The following CDH6 variants were observed in gnomAD, a reference collection of about 807,000 sequenced individuals.
CDH6 encodes cadherin-6.
CDH6 carries 31 observed loss-of-function variants against 78.0 expected under a neutral mutation model. The observed-to-expected ratio is 0.40, with a 90% CI of 0.30 to 0.54. The LOEUF is 0.54. Ranked by LOEUF, CDH6 falls within the 20% of genes least tolerant of loss-of-function variation. CDH6 has a pLI of 0.56. For synonymous variants in CDH6, 376 were observed against 368.8 expected, an observed-to-expected ratio of 1.02 and a Z score of -0.23; for missense variants, 724 against 975.9, an observed-to-expected ratio of 0.74 and a Z score of 3.44.
chr5:31,269,966 G>A (rs891442775), intron 2 of CDH6, among the ~76,000 whole-genome samples: 18 of 152,178 alleles, frequency 1.2e-4, no homozygotes, highest in African/African-American at 4.3e-4. Context: ...GTGGTTTTGA[G>A]CTGTTGATAT....
chr5:31,247,494 T>C (rs1741784550), intron 1 of CDH6, among the ~76,000 whole-genome samples: 1 of 152,192 alleles, frequency 6.6e-6, no homozygotes, highest in African/African-American at 2.4e-5. Flanking sequence ...TGGAGAGGAT[T>C]GCCTTAGACA....
rs1402105594 is a variant in CDH6, at chr5:31,327,488, T to G, written c.*4180T>G. The G allele has an allele frequency of 5.2e-6, 1 of 191,712 alleles. No homozygotes were observed. Among genetic ancestry groups the G allele is most frequent in the Non-Finnish European group, 1.1e-5 (1 of 91,638 alleles). The allele number at this position is 191,712 out of a possible 1,614,324, so 11.9% of individuals were successfully genotyped here. A position where few individuals can be genotyped will look rare whatever the true frequency, so the allele number is the denominator to read the frequency against. On this transcript the variant is annotated 3_prime_UTR_variant, in exon 12 of 12. Coordinates refer to ENST00000265071, the MANE Select transcript of CDH6 (RefSeq NM_004932.4). ...TATGTTTTATCAAGATGAAATCTTG[T>G]TTGAATTGTGATATTATAAAAGGGG... is the stretch of plus-strand genomic sequence containing the variant.
intron 1 of CDH6, among the ~76,000 whole-genome samples, chr5:31,208,726 GA>G (rs1458015785): frequency 6.6e-6 from 1 of 152,080 alleles, no homozygotes; most frequent in Non-Finnish European, 1.5e-5. Context: ...AAAAACTATG[GA>G]AAACCCTTAT....
At chr5:31,288,305 C>A (rs959550394) in intron 2 of CDH6, among the ~76,000 whole-genome samples, 6 of 152,206 alleles carry the variant, frequency 3.9e-5, no homozygotes, top group Admixed American at 6.5e-5. Flanking sequence ...AATTAGTTAA[C>A]TCATGCCAAA....
chr5:31,328,175 C>CT lies in CDH6; in HGVS notation c.*4888dup, dbSNP rs151043213. 6,744 of 121,764 alleles carry CT rather than the reference C, an allele frequency of 0.055. 213 individuals are homozygous for CT. Among genetic ancestry groups the CT allele is most frequent in the African/African-American group, 0.1 (2,869 of 27,870 alleles). 7.5% of individuals were successfully genotyped at this position (121,764 alleles called of 1,614,324 possible). On this transcript the variant is annotated 3_prime_UTR_variant, in exon 12 of 12. Transcript: ENST00000265071. ...AGAGCTTTTACAAGTTGCTTAATTC[C>CT]TTTTTTTTTTTTTTTTTTTTTCAAA...
chr5:31,267,389 G>A lies in CDH6; in HGVS notation c.-85G>A. The A allele has an allele frequency of 2.2e-6, 2 of 889,554 alleles. No individual in the cohort carries two copies. The highest frequency in any genetic ancestry group is 1.8e-6 in the Non-Finnish European group (1 of 543,926). 55.1% of individuals were successfully genotyped at this position (889,554 alleles called of 1,614,324 possible). On this transcript the variant is annotated 5_prime_UTR_variant, in exon 2 of 12. Coordinates refer to ENST00000265071, the MANE Select transcript of CDH6 (RefSeq NM_004932.4). The stretch of plus-strand genomic sequence containing the variant: ...GCAAAGAACATTAAGGAAGGAAGGA[G>A]GAATGAGGCTGGATACGGTGCAGTG...
At chr5:31,298,983 G>A (rs1579896147) in intron 4 of CDH6, among the ~76,000 whole-genome samples, 1 of 152,114 alleles carries the variant, frequency 6.6e-6, no homozygotes, top group Non-Finnish European at 1.5e-5. Context: ...GTGTATCTGA[G>A]GGATAATTAG....
In CDH6 at chr5:31,227,834, G is replaced by A. The variant is rs1442965330; in HGVS notation, c.-129+33948G>A. The stretch of plus-strand genomic sequence containing the variant: ...TTAACCATCCTACATCTAAACAAAC[G>A]AAGCTTAAGAAACCCAGAAAAGACA... On this transcript the variant is annotated intron_variant, in intron 1 of 11. Coordinates refer to ENST00000265071, the MANE Select transcript of CDH6 (RefSeq NM_004932.4). Among the ~76,000 whole-genome samples the A allele has an allele frequency of 4.6e-5, 7 of 152,150 alleles. No individual in the cohort carries two copies. The South Asian group carries it at 1.2e-3, about 27-fold the overall frequency.
chr5:31,236,901 T>A (rs1741468469), intron 1 of CDH6, among the ~76,000 whole-genome samples: 1 of 152,194 alleles, frequency 6.6e-6, no homozygotes, highest in Admixed American at 6.5e-5. Context: ...TGATTTCAGA[T>A]GCTTGGGGAG....
intron 1 of CDH6, among the ~76,000 whole-genome samples, chr5:31,261,140 T>C (rs1167556530): frequency 6.6e-6 from 1 of 152,216 alleles, no homozygotes; most frequent in Non-Finnish European, 1.5e-5. Context: ...GGCTTCACTC[T>C]GTTTAATTCA....
intron 1 of CDH6, among the ~76,000 whole-genome samples, chr5:31,209,608 T>A (rs1182643245): frequency 1.3e-5 from 2 of 152,202 alleles, no homozygotes; most frequent in East Asian, 3.8e-4. Context: ...TCACTCTGAT[T>A]CTCTAAGTGT....
intron 11 of CDH6, among the ~76,000 whole-genome samples, chr5:31,322,204 C>G (rs1738492370): frequency 6.6e-6 from 1 of 152,128 alleles, no homozygotes; most frequent in Non-Finnish European, 1.5e-5. Context: ...TCTCAAAATC[C>G]AAAATGGCTT....
At chr5:31,270,082 T>A (rs983936940) in intron 2 of CDH6, among the ~76,000 whole-genome samples, 12 of 152,186 alleles carry the variant, frequency 7.9e-5, no homozygotes, top group African/African-American at 2.9e-4. Context: ...AATACATTTT[T>A]AAAAAAGATA....
intron 2 of CDH6, among the ~76,000 whole-genome samples, chr5:31,274,687 G>A: frequency 6.6e-6 from 1 of 152,228 alleles, no homozygotes; most frequent in East Asian, 1.9e-4. Context: ...GGGCGTGGTA[G>A]CGCATGCCTG....
chr5:31,265,838 A>C (rs1203183942), intron 1 of CDH6, among the ~76,000 whole-genome samples: 1 of 130,706 alleles, frequency 7.7e-6, no homozygotes, highest in Non-Finnish European at 1.5e-5. Flanking sequence ...GCAGTGGTGC[A>C]ATCTTGGCTC....
At chr5:31,253,244 C>G (rs1431382709) in intron 1 of CDH6, among the ~76,000 whole-genome samples, 4 of 152,126 alleles carry the variant, frequency 2.6e-5, no homozygotes, top group East Asian at 1.9e-4. Context: ...GTCGGAGGGA[C>G]CCAGTGGGAG....
At chr5:31,259,925 G>T (rs372009498) in intron 1 of CDH6, among the ~76,000 whole-genome samples, 42 of 152,318 alleles carry the variant, frequency 2.8e-4, no homozygotes, top group Non-Finnish European at 5.3e-4. Context: ...CCCTTGCACT[G>T]CTGTGGGAGC....
At chr5:31,210,076 T>TTGTGTGTG (rs60543109) in intron 1 of CDH6, among the ~76,000 whole-genome samples, 5,183 of 146,482 alleles carry the variant, frequency 0.035, 141 homozygotes, top group African/African-American at 0.062. Context: ...TTTTCTTAAA[T>TTGTGTGTG]TGTGTGTGTG....
Position 31,324,030 on chromosome 5 carries a change from A to G in CDH6, c.*722A>G, listed in dbSNP as rs1232477993. The stretch of plus-strand genomic sequence containing the variant: ...ATGCGAAAGTTTGCCTTTGTACCAT[A>G]TAAAGGGGGAGGGAAATAGCTAATA... On this transcript the variant is annotated 3_prime_UTR_variant, in exon 12 of 12. Transcript: ENST00000265071. The G allele has an allele frequency of 1.8e-5, 4 of 225,732 alleles. No individual in the cohort carries two copies. The highest frequency in any genetic ancestry group is 1.3e-3 in the Middle Eastern group (1 of 770). The allele number at this position is 225,732 out of a possible 1,614,324, so 14.0% of individuals were successfully genotyped here.
Sources: gnomAD v4.1 joint callset for allele counts (sites outside exome capture counted in the v4.1 genomes callset) on GRCh38, gnomAD v4.1.1 for gene constraint, MANE v1.5 for transcripts, NCBI Gene and HGNC (gene_info 2026-07-23, HGNC 2026-07-21) for gene names.